The following SIRT1 variants were observed in gnomAD, a reference collection of about 807,000 sequenced individuals.
SIRT1 encodes sirtuin 1.
SIRT1 carries 24 observed loss-of-function variants against 67.9 expected under a neutral mutation model. The ratio of observed to expected loss-of-function variants is 0.35; its 90% CI spans 0.26 to 0.50. The LOEUF (loss-of-function observed/expected upper bound fraction) is 0.50. Ranked by LOEUF, SIRT1 falls within the 20% of genes least tolerant of loss-of-function variation. The probability of loss-of-function intolerance (pLI) is 0.98; values close to 1 mark genes in which losing one functional copy is unlikely to be tolerated. For missense variants in SIRT1, 873 were observed against 937.2 expected (o/e 0.93, Z 0.89); for synonymous variants, 378 against 350.7 (o/e 1.08, Z -0.87).
intron 4 of SIRT1, among the ~76,000 whole-genome samples, chr10:67,896,345 A>G (rs908962104): frequency 6.6e-6 from 1 of 152,074 alleles, no homozygotes; most frequent in Non-Finnish European, 1.5e-5. Flanking sequence ...AGTTCTCACT[A>G]TGTTGTCCAG....
intron 4 of SIRT1, among the ~76,000 whole-genome samples, chr10:67,905,373 T>C (rs1376810266): frequency 1.3e-5 from 2 of 152,356 alleles, no homozygotes; most frequent in African/African-American, 4.8e-5. Flanking sequence ...CTATATGCAC[T>C]CTCTATTTCT....
intron 4 of SIRT1, among the ~76,000 whole-genome samples, chr10:67,897,007 A>T (rs1842668477): frequency 6.6e-6 from 1 of 151,952 alleles, no homozygotes; most frequent in African/African-American, 2.4e-5. Context: ...AATACAAAAA[A>T]TAGCCAGACG....
intron 2 of SIRT1, 58 bp from the exon 3 acceptor site, chr10:67,888,823 TA>T: frequency 6.5e-7 from 1 of 1,531,346 alleles, no homozygotes; most frequent in Non-Finnish European, 8.8e-7. Flanking sequence ...CTTCAGAAAA[TA>T]AATGAGATTT....
chr10:67,891,588 T>C (rs1564884344), intron 4 of SIRT1, 34 bp downstream of exon 4: 4 of 1,592,848 alleles, frequency 2.5e-6, no homozygotes, highest in Non-Finnish European at 3.4e-6. Flanking sequence ...TTCTTTGGCC[T>C]TCTCTCATGA....
chr10:67,909,501 C>A, intron 7 of SIRT1, 59 bp downstream of exon 7: 1 of 1,418,904 alleles, frequency 7.0e-7, no homozygotes, highest in Admixed American at 2.2e-5. Context: ...GGTTGTGGGT[C>A]TGTATAATAG....
intron 2 of SIRT1, among the ~76,000 whole-genome samples, 168 bp downstream of exon 2, chr10:67,887,701 C>G (rs41299232): frequency 0.47 from 71,276 of 152,148 alleles, 20,725 homozygotes; most frequent in Non-Finnish European, 0.66. Context: ...CTCAGCCTCC[C>G]CAGCAGCTGG....
intron 3 of SIRT1, among the ~76,000 whole-genome samples, chr10:67,890,718 G>A (rs548267646): frequency 2.0e-5 from 3 of 151,772 alleles, no homozygotes; most frequent in South Asian, 2.1e-4. Flanking sequence ...GGGCGTCAGA[G>A]CGAAACTGTC....
At chr10:67,913,335 A>G (rs1842928548) in intron 8 of SIRT1, among the ~76,000 whole-genome samples, 1 of 152,158 alleles carries the variant, frequency 6.6e-6, no homozygotes, top group Non-Finnish European at 1.5e-5. Flanking sequence ...TGCTTTACAT[A>G]TGTTACCTGA....
chr10:67,911,155 CTCT>C (rs952436947), intron 7 of SIRT1, among the ~76,000 whole-genome samples: 3 of 152,138 alleles, frequency 2.0e-5, no homozygotes, highest in African/African-American at 4.8e-5. Context: ...TCTTGAGTTG[CTCT>C]TCTTAAAGCA....
chr10:67,896,296 T>C (rs1842657160), intron 4 of SIRT1, among the ~76,000 whole-genome samples: 1 of 152,200 alleles, frequency 6.6e-6, no homozygotes, highest in Non-Finnish European at 1.5e-5. Flanking sequence ...TATACCTAGC[T>C]AAATGTGTTT....
At chr10:67,890,876 A>G (rs1842560294) in intron 3 of SIRT1, among the ~76,000 whole-genome samples, 2 of 152,080 alleles carry the variant, frequency 1.3e-5, no homozygotes, top group Admixed American at 6.6e-5. Flanking sequence ...TAAAAATACA[A>G]AAAATCAGCC....
rs201267915 is a variant in SIRT1 at position 67,889,012 on chromosome 10, T to C, written c.678T>C (p.Asn226=). Reference sequence around the variant, plus strand: ...TGACACTGTGGCAGATTGTTATTAATATCCTTTCAGAACCACCAAAAAGGA... The same window carrying C: ...TGACACTGTGGCAGATTGTTATTAACATCCTTTCAGAACCACCAAAAAGGA... ...DDMTLWQIVI[N]ILSEPPKRKK... is the part of the protein sequence containing the mutation. Residue 226 remains asparagine, a synonymous_variant, in exon 3 of 9, where the codon AAT becomes AAC. Coordinates refer to ENST00000212015, the MANE Select transcript of SIRT1 (RefSeq NM_012238.5). 1 of 1,613,874 alleles carries C rather than the reference T, an allele frequency of 6.2e-7. No individual in the cohort carries two copies. Among genetic ancestry groups the C allele is most frequent in the Non-Finnish European group, 8.5e-7 (1 of 1,179,946 alleles).
intron 4 of SIRT1, among the ~76,000 whole-genome samples, chr10:67,897,773 C>T (rs1842680694): frequency 6.6e-6 from 1 of 151,688 alleles, no homozygotes; most frequent in African/African-American, 2.4e-5. Context: ...TCTGGGATTA[C>T]AGGCGTGAGC....
rs1051041309 is a variant in SIRT1 at position 67,912,791 on chromosome 10, G to A, written c.1675G>A (p.Ala559Thr). The A allele has an allele frequency of 1.2e-6, 2 of 1,614,112 alleles. No individual in the cohort carries two copies. Among genetic ancestry groups the A allele is most frequent in the Non-Finnish European group, 1.7e-6 (2 of 1,180,022 alleles). Residue 559 changes from alanine (A) to threonine (T), a missense_variant, in exon 8 of 9, where the codon GCA (alanine) becomes ACA (threonine). Ala to Thr is a moderately conservative substitution (Grantham distance 58, BLOSUM62 0). Transcript: ENST00000212015. ...SSVIVTLLDQ[A>T]AKSNDDLDVS... The stretch of plus-strand genomic sequence containing the variant: ...AGTGATTGTCACACTTTTAGACCAA[G>A]CAGCTAAGAGTAATGATGATTTAGA...
At chr10:67,904,769 G>A (rs1403326689) in intron 4 of SIRT1, among the ~76,000 whole-genome samples, 1 of 151,894 alleles carries the variant, frequency 6.6e-6, no homozygotes, top group East Asian at 1.9e-4. Flanking sequence ...ACTTGAACCC[G>A]GGAGGTGGAG....
chr10:67,906,770 C>G lies in SIRT1; in HGVS notation c.943-20C>G. On this transcript the variant is annotated intron_variant, in intron 4 of 8. Coordinates refer to ENST00000212015, the MANE Select transcript of SIRT1 (RefSeq NM_012238.5). The stretch of plus-strand genomic sequence containing the variant: ...TTTATTTCACTAATGTAAATTTTTT[C>G]TACCATTTGCTTGATACAGGAAATA... The G allele has an allele frequency of 1.9e-6, 3 of 1,599,722 alleles. No homozygotes were observed. The highest frequency in any genetic ancestry group is 2.6e-6 in the Non-Finnish European group (3 of 1,175,750).
chr10:67,917,754 TAATG>T lies in SIRT1; in HGVS notation c.*1168_*1171del, dbSNP rs1316698489. On this transcript the variant is annotated 3_prime_UTR_variant, in exon 9 of 9. Coordinates refer to ENST00000212015, the MANE Select transcript of SIRT1 (RefSeq NM_012238.5). Reference sequence around the variant, plus strand: ...ATGTAACTTGTAATAGCAGAATAGTTAATGAATGAAACTAGTTCTTATAATTTAT... The same window carrying T: ...ATGTAACTTGTAATAGCAGAATAGTTAATGAAACTAGTTCTTATAATTTAT... 1 of 152,662 alleles carries T rather than the reference TAATG, an allele frequency of 6.6e-6. No homozygotes were observed. Among genetic ancestry groups the T allele is most frequent in the Non-Finnish European group, 1.5e-5 (1 of 68,046 alleles). 9.5% of individuals were successfully genotyped at this position (152,662 alleles called of 1,614,324 possible).
At chr10:67,911,848 G>A (rs1434679928) in intron 7 of SIRT1, among the ~76,000 whole-genome samples, 2 of 129,108 alleles carry the variant, frequency 1.5e-5, no homozygotes, top group African/African-American at 2.8e-5. Context: ...GCATGATCTC[G>A]GCTCACTGCA....
At chr10:67,901,012 A>T (rs1842736860) in intron 4 of SIRT1, among the ~76,000 whole-genome samples, 1 of 152,202 alleles carries the variant, frequency 6.6e-6, no homozygotes, top group African/African-American at 2.4e-5. Flanking sequence ...GAGCAAACTG[A>T]AATGTACTTA....
Sources: gnomAD v4.1 joint callset for allele counts (sites outside exome capture counted in the v4.1 genomes callset) on GRCh38, gnomAD v4.1.1 for gene constraint, MANE v1.5 for transcripts, NCBI Gene and HGNC (gene_info 2026-07-23, HGNC 2026-07-21) for gene names.